INPP4B: variants seen among roughly 807,000 people sequenced by gnomAD.
INPP4B encodes inositol polyphosphate 4-phosphatase type II.
A neutral mutation model predicts 122.5 loss-of-function variants in INPP4B; 55 were observed. That is an observed-to-expected ratio of 0.45 (90% CI 0.36 to 0.56). The LOEUF (loss-of-function observed/expected upper bound fraction) is 0.56, where lower values mean the gene tolerates loss of function less well. INPP4B is among the 20% of genes least tolerant of loss of function. INPP4B has a pLI of 0.00. For missense variants in INPP4B, 1,000 were observed against 1,097.7 expected, an observed-to-expected ratio of 0.91 and a Z score of 1.26; for synonymous variants, 403 against 388.7, an observed-to-expected ratio of 1.04 and a Z score of -0.43.
At chr4:142,450,549 T>C (rs946990264) in intron 3 of INPP4B, among the ~76,000 whole-genome samples, 1 of 152,196 alleles carries the variant, frequency 6.6e-6, no homozygotes, top group African/African-American at 2.4e-5. Flanking sequence ...CCATCCATAA[T>C]TTCCACAGAG....
intron 2 of INPP4B, among the ~76,000 whole-genome samples, chr4:142,723,584 A>T (rs1168414010): frequency 6.6e-6 from 1 of 152,064 alleles, no homozygotes; most frequent in Non-Finnish European, 1.5e-5. Context: ...CAAATGTAGA[A>T]CTCACAGGTA....
At chr4:142,746,121 C>T (rs1029639930) in intron 1 of INPP4B, among the ~76,000 whole-genome samples, 8 of 152,012 alleles carry the variant, frequency 5.3e-5, no homozygotes, top group Middle Eastern at 3.4e-3. Context: ...GAATACTATA[C>T]TCAACAAATA....
At chr4:142,751,998 C>T (rs1769800035) in intron 1 of INPP4B, among the ~76,000 whole-genome samples, 1 of 151,982 alleles carries the variant, frequency 6.6e-6, no homozygotes, top group Non-Finnish European at 1.5e-5. Flanking sequence ...TTTTAAACCA[C>T]TTAACATCTG....
chr4:142,292,689 A>G (rs559607637), intron 9 of INPP4B, among the ~76,000 whole-genome samples: 83 of 152,318 alleles, frequency 5.4e-4, no homozygotes, highest in African/African-American at 1.8e-3. Flanking sequence ...GGATTAGACC[A>G]TGTTTATTAT....
intron 3 of INPP4B, among the ~76,000 whole-genome samples, chr4:142,454,679 C>T (rs1815016579): frequency 2.0e-5 from 3 of 151,960 alleles, no homozygotes; most frequent in Admixed American, 2.0e-4. Context: ...CAGCCTAGGC[C>T]TTTTCATTTA....
chr4:142,604,027 A>G (rs574531641), intron 2 of INPP4B, among the ~76,000 whole-genome samples: 4 of 152,098 alleles, frequency 2.6e-5, no homozygotes, highest in Non-Finnish European at 2.9e-5. Flanking sequence ...AGATAATACA[A>G]CATGATCAAG....
intron 2 of INPP4B, among the ~76,000 whole-genome samples, chr4:142,717,577 CT>C (rs796995922): frequency 3.3e-5 from 5 of 152,228 alleles, no homozygotes; most frequent in African/African-American, 1.2e-4. Flanking sequence ...AGGATTAGTT[CT>C]TGTCCTTTGC....
chr4:142,176,818 C>T (rs1460794189), intron 15 of INPP4B, among the ~76,000 whole-genome samples: 2 of 152,164 alleles, frequency 1.3e-5, no homozygotes, highest in African/African-American at 4.8e-5. Context: ...ATTGTTTTGA[C>T]TGAGATCCCC....
chr4:142,489,443 G>A (rs1489012220), intron 2 of INPP4B, among the ~76,000 whole-genome samples: 1 of 152,134 alleles, frequency 6.6e-6, no homozygotes, highest in Non-Finnish European at 1.5e-5. Context: ...ACCCAGGCTG[G>A]AGTGCAGTGG....
intron 2 of INPP4B, among the ~76,000 whole-genome samples, chr4:142,556,003 G>A (rs1729094248): frequency 6.6e-6 from 1 of 152,144 alleles, no homozygotes; most frequent in Non-Finnish European, 1.5e-5. Context: ...GTTCTTAGCT[G>A]TGGGTAACTT....
intron 22 of INPP4B, 42 bp downstream of exon 22, chr4:142,112,500 A>T (rs777723119): frequency 6.2e-7 from 1 of 1,607,950 alleles, no homozygotes; most frequent in Non-Finnish European, 8.5e-7. Flanking sequence ...CTTAAAAGGA[A>T]CAAAGAAAAA....
At chr4:142,096,549 T>C (rs982615993) in intron 23 of INPP4B, among the ~76,000 whole-genome samples, 1 of 152,168 alleles carries the variant, frequency 6.6e-6, no homozygotes, top group Admixed American at 6.6e-5. Context: ...TTAACATGCA[T>C]TGAGGAAATA....
intron 7 of INPP4B, among the ~76,000 whole-genome samples, chr4:142,330,167 C>G (rs1773910712): frequency 6.6e-6 from 1 of 152,048 alleles, no homozygotes; most frequent in African/African-American, 2.4e-5. Flanking sequence ...TATCAGCAAG[C>G]AATGATTCAA....
chr4:142,289,806 A>G (rs1483503686), intron 9 of INPP4B, among the ~76,000 whole-genome samples: 2 of 152,144 alleles, frequency 1.3e-5, no homozygotes, highest in Non-Finnish European at 1.5e-5. Context: ...CGACAACTTC[A>G]TTGTTCCCCA....
intron 2 of INPP4B, among the ~76,000 whole-genome samples, chr4:142,532,150 C>G (rs1359017971): frequency 6.6e-6 from 1 of 152,088 alleles, no homozygotes; most frequent in African/African-American, 2.4e-5. Context: ...GTAACATTTC[C>G]CTCCGCTTAA....
chr4:142,634,687 G>GA (rs983174648), intron 2 of INPP4B, among the ~76,000 whole-genome samples: 3 of 151,932 alleles, frequency 2.0e-5, no homozygotes, highest in African/African-American at 7.2e-5. Context: ...AAAGATCTGT[G>GA]AAAAAATTAT....
intron 25 of INPP4B, among the ~76,000 whole-genome samples, chr4:142,056,293 A>G (rs1283473928): frequency 6.6e-6 from 1 of 152,134 alleles, no homozygotes; most frequent in Non-Finnish European, 1.5e-5. Context: ...GTATTTGAAT[A>G]GGCTGAGTTT....
intron 16 of INPP4B, among the ~76,000 whole-genome samples, chr4:142,164,712 T>G (rs186391377): frequency 6.6e-6 from 1 of 151,880 alleles, no homozygotes; most frequent in East Asian, 1.9e-4. Context: ...GTGCACTCTT[T>G]CATGGTCTTT....
At chr4:142,116,298 T>C (rs1223566575) in intron 21 of INPP4B, among the ~76,000 whole-genome samples, 2 of 152,142 alleles carry the variant, frequency 1.3e-5, no homozygotes, top group East Asian at 1.9e-4. Flanking sequence ...AACTCAGCTC[T>C]GCACCAAGCA....
Sources: gnomAD v4.1 joint callset for allele counts (sites outside exome capture counted in the v4.1 genomes callset) on GRCh38, gnomAD v4.1.1 for gene constraint, MANE v1.5 for transcripts, NCBI Gene and HGNC (gene_info 2026-07-23, HGNC 2026-07-21) for gene names.